Variants in SLC2A13 observed in about 807,000 individuals in gnomAD.
SLC2A13 encodes proton myo-inositol cotransporter.
Under a neutral mutation model 64.4 loss-of-function variants are expected in SLC2A13, and 32 were observed. The observed-to-expected ratio is 0.50, with a 90% CI of 0.37 to 0.67. SLC2A13 has a LOEUF of 0.67. Among genes scored for constraint, SLC2A13 ranks in the 30% least tolerant of loss-of-function variants. The pLI, the probability that SLC2A13 is intolerant of heterozygous loss-of-function variation, is 0.00. For missense variants in SLC2A13, 743 were observed against 829.2 expected, an observed-to-expected ratio of 0.90 and a Z score of 1.28; for synonymous variants, 338 against 327.1, an observed-to-expected ratio of 1.03 and a Z score of -0.36.
intron 3 of SLC2A13, among the ~76,000 whole-genome samples, chr12:39,993,926 A>C (rs1298091844): frequency 1.3e-5 from 2 of 152,224 alleles, no homozygotes; most frequent in Non-Finnish European, 2.9e-5. Context: ...AGCAAGGAGC[A>C]AAGGAAACAT....
chr12:39,923,291 T>C (rs1215633645), intron 4 of SLC2A13, among the ~76,000 whole-genome samples: 1 of 152,110 alleles, frequency 6.6e-6, no homozygotes, highest in Non-Finnish European at 1.5e-5. Context: ...CAAAATGTGG[T>C]AATCCATGCA....
rs1940025473 is a variant in SLC2A13 at position 39,758,358 on chromosome 12, TA to T, written c.*1667del. The T allele has an allele frequency of 4.6e-5, 7 of 151,920 alleles. No homozygotes were observed. The South Asian group carries it at 1.5e-3, about 31-fold the overall frequency. 9.4% of individuals were successfully genotyped at this position (151,920 alleles called of 1,614,324 possible). On this transcript the variant is annotated 3_prime_UTR_variant, in exon 10 of 10. Coordinates refer to ENST00000280871, the MANE Select transcript of SLC2A13 (RefSeq NM_052885.4). ...ACTGTGATAGGAACAAGCCAGACAT[TA>T]AAAGAATAGAGTATCTTGGAGACTG...
rs184379099 is a variant in SLC2A13 at position 40,034,957 on chromosome 12, T to C, written c.717-6448A>G. Among the ~76,000 whole-genome samples the C allele has an allele frequency of 1.4e-3, 219 of 152,226 alleles. 1 individual carries two copies. The highest frequency in any genetic ancestry group is 4.9e-3 in the African/African-American group (204 of 41,528). On this transcript the variant is annotated intron_variant, in intron 2 of 9. Transcript: ENST00000280871. ...TAATCACTGAGCATCATGAATAAAC[T>C]TACCCAGAGATGGCATCCCCCCGAG...
intron 4 of SLC2A13, among the ~76,000 whole-genome samples, chr12:39,948,192 A>T (rs1333509200): frequency 6.6e-6 from 1 of 151,410 alleles, no homozygotes; most frequent in East Asian, 1.9e-4. Flanking sequence ...GTCATATTAT[A>T]AAAAAAAATT....
intron 7 of SLC2A13, among the ~76,000 whole-genome samples, chr12:39,814,602 T>C (rs1942285571): frequency 3.9e-5 from 6 of 152,146 alleles, no homozygotes; most frequent in Non-Finnish European, 8.8e-5. Context: ...AAATACATAC[T>C]TAAGAATGGA....
chr12:39,957,748 T>C (rs1946341763), intron 3 of SLC2A13, among the ~76,000 whole-genome samples: 1 of 152,184 alleles, frequency 6.6e-6, no homozygotes, highest in Admixed American at 6.5e-5. Context: ...ACTTTAAGCA[T>C]TCCTCCTCCT....
At chr12:40,104,744 C>A (rs1374508748) in intron 1 of SLC2A13, among the ~76,000 whole-genome samples, 1 of 152,188 alleles carries the variant, frequency 6.6e-6, no homozygotes, top group Non-Finnish European at 1.5e-5. Context: ...CGCTAATAAA[C>A]CTTTCAGAGT....
intron 3 of SLC2A13, among the ~76,000 whole-genome samples, chr12:39,987,811 T>C (rs1028109688): frequency 2.6e-5 from 4 of 152,180 alleles, no homozygotes; most frequent in Admixed American, 6.5e-5. Context: ...TGTGAGTGCT[T>C]ATTTTGTATT....
At chr12:39,989,061 A>C (rs536586465) in intron 3 of SLC2A13, among the ~76,000 whole-genome samples, 8 of 152,222 alleles carry the variant, frequency 5.3e-5, no homozygotes, top group Non-Finnish European at 8.8e-5. Context: ...TGTAAACCTA[A>C]GTCTGCTGTG....
At chr12:39,901,153 T>C (rs1042134618) in intron 4 of SLC2A13, among the ~76,000 whole-genome samples, 145 of 152,298 alleles carry the variant, frequency 9.5e-4, no homozygotes, top group African/African-American at 3.5e-3. Context: ...AAGCTGAAAC[T>C]GGATCCCTTC....
intron 4 of SLC2A13, among the ~76,000 whole-genome samples, chr12:39,909,770 C>G (rs897278659): frequency 6.6e-6 from 1 of 151,748 alleles, no homozygotes; most frequent in Non-Finnish European, 1.5e-5. Context: ...TAGGATTTTA[C>G]TGAGAATTAA....
chr12:40,103,329 T>C (rs189417620), intron 1 of SLC2A13, among the ~76,000 whole-genome samples: 4 of 152,332 alleles, frequency 2.6e-5, no homozygotes, highest in Non-Finnish European at 5.9e-5. Context: ...ACCATTTCCA[T>C]TGGTAAGAGC....
At chr12:40,049,758 T>A (rs1948225491) in intron 1 of SLC2A13, among the ~76,000 whole-genome samples, 1 of 152,150 alleles carries the variant, frequency 6.6e-6, no homozygotes, top group African/African-American at 2.4e-5. Flanking sequence ...AATACATAGA[T>A]GAACAGATAG....
chr12:40,093,914 G>C (rs1458833656), intron 1 of SLC2A13, among the ~76,000 whole-genome samples: 1 of 152,088 alleles, frequency 6.6e-6, no homozygotes, highest in Non-Finnish European at 1.5e-5. Context: ...GGCATAGTCT[G>C]ATTTATATTT....
At chr12:40,036,919 C>G (rs1947997143) in intron 2 of SLC2A13, among the ~76,000 whole-genome samples, 1 of 152,106 alleles carries the variant, frequency 6.6e-6, no homozygotes, top group South Asian at 2.1e-4. Context: ...ATGTCATCTT[C>G]TACTCTGGTT....
chr12:39,929,341 A>G (rs1945781608), intron 4 of SLC2A13, among the ~76,000 whole-genome samples: 1 of 152,042 alleles, frequency 6.6e-6, no homozygotes, highest in Non-Finnish European at 1.5e-5. Flanking sequence ...TCACGACGTC[A>G]GGAGTTCGAG....
At chr12:39,835,037 C>T (rs918322730) in intron 6 of SLC2A13, among the ~76,000 whole-genome samples, 5 of 152,002 alleles carry the variant, frequency 3.3e-5, no homozygotes, top group Admixed American at 2.0e-4. Flanking sequence ...TGATGAATTT[C>T]GGTAAGGTTT....
intron 7 of SLC2A13, among the ~76,000 whole-genome samples, chr12:39,794,099 T>C (rs1264695440): frequency 2.3e-5 from 3 of 131,776 alleles, no homozygotes; most frequent in Non-Finnish European, 4.6e-5. Context: ...GAAGGTGATG[T>C]ATGGCCTGGA....
At chr12:39,936,241 G>A (rs577284029) in intron 4 of SLC2A13, among the ~76,000 whole-genome samples, 8 of 152,290 alleles carry the variant, frequency 5.3e-5, no homozygotes, top group African/African-American at 1.9e-4. Flanking sequence ...TCAGGCTAGG[G>A]TAGGTTCACT....
Sources: gnomAD v4.1 joint callset for allele counts (sites outside exome capture counted in the v4.1 genomes callset) on GRCh38, gnomAD v4.1.1 for gene constraint, MANE v1.5 for transcripts, NCBI Gene and HGNC (gene_info 2026-07-23, HGNC 2026-07-21) for gene names.